Variants in HMGN5 observed in about 807,000 individuals in gnomAD.
The protein encoded by HMGN5 is high mobility group nucleosome-binding domain-containing protein 5.
In HMGN5, 4 loss-of-function variants were observed where a neutral mutation model predicts 9.5. The observed-to-expected ratio is 0.42, with a 90% confidence interval of 0.21 to 0.96. HMGN5 has a LOEUF of 0.96. Among genes scored for constraint, HMGN5 ranks in the 40% least tolerant of loss-of-function variants. HMGN5 has a pLI of 0.30. For missense variants in HMGN5, 192 were observed against 187.5 expected (o/e 1.02, Z -0.14); for synonymous variants, 55 against 57.1 (o/e 0.96, Z 0.16).
At chrX:81,142,417 T>C (rs950097654) in intron 1 of HMGN5, among the ~76,000 whole-genome samples, 2 of 111,812 alleles carry the variant, frequency 1.8e-5, no homozygotes, top group African/African-American at 6.5e-5. Context: ...AGGCATTTAA[T>C]AGTCAAACTC....
At chrX:81,195,015 G>A (rs986541600) in intron 1 of HMGN5, 1 of 111,619 alleles carries the variant, frequency 9.0e-6, no homozygotes, top group East Asian at 2.8e-4. Flanking sequence ...GGTAGGATGT[G>A]GGGGGAAGAT....
chrX:81,191,021 TCC>T (rs908952530), intron 1 of HMGN5, among the ~76,000 whole-genome samples: 1 of 111,797 alleles, frequency 8.9e-6, no homozygotes, highest in African/African-American at 3.2e-5. Flanking sequence ...TCTGTTCTTT[TCC>T]TTCAATATTG....
intron 3 of HMGN5, among the ~76,000 whole-genome samples, chrX:81,119,550 C>T (rs1442770883): frequency 3.6e-5 from 4 of 111,459 alleles, no homozygotes; most frequent in African/African-American, 1.3e-4. Context: ...AGAATATTTC[C>T]GTACCATCAT....
chrX:81,131,381 A>G (rs2147546422), intron 1 of HMGN5, among the ~76,000 whole-genome samples: 1 of 111,450 alleles, frequency 9.0e-6, no homozygotes, highest in East Asian at 2.8e-4. Flanking sequence ...TCTTGACTAC[A>G]GAGAAGTGGA....
intron 1 of HMGN5, among the ~76,000 whole-genome samples, chrX:81,169,835 G>C (rs1478492942): frequency 9.0e-6 from 1 of 110,730 alleles, no homozygotes; most frequent in Non-Finnish European, 1.9e-5. Flanking sequence ...TGGGCTGACT[G>C]CTTGAGTCCA....
chrX:81,127,008 T>C (rs1023309553), intron 1 of HMGN5, among the ~76,000 whole-genome samples: 2 of 111,768 alleles, frequency 1.8e-5, no homozygotes, highest in African/African-American at 6.5e-5. Flanking sequence ...AAAATCTTAA[T>C]ATGATAGGAA....
At chrX:81,192,405 A>C (rs1390905129) in intron 1 of HMGN5, among the ~76,000 whole-genome samples, 1 of 111,789 alleles carries the variant, frequency 8.9e-6, no homozygotes, top group East Asian at 2.8e-4. Flanking sequence ...CCAATGAAAC[A>C]ACCTGGGCCT....
intron 1 of HMGN5, among the ~76,000 whole-genome samples, chrX:81,176,285 A>T (rs1231200154): frequency 8.9e-6 from 1 of 111,982 alleles, no homozygotes; most frequent in Non-Finnish European, 1.9e-5. Context: ...TAGGTCACCA[A>T]CATGAAAGAC....
chrX:81,141,534 G>A (rs780141314), intron 1 of HMGN5, among the ~76,000 whole-genome samples: 90 of 111,256 alleles, frequency 8.1e-4, no homozygotes, highest in African/African-American at 2.8e-3. Flanking sequence ...GAGAAAGTAA[G>A]GGAAGAAAAC....
chrX:81,174,827 AT>A (rs752810964), intron 1 of HMGN5, among the ~76,000 whole-genome samples: 34 of 111,396 alleles, frequency 3.1e-4, no homozygotes, highest in African/African-American at 1.1e-3. Flanking sequence ...TCTGCAATGT[AT>A]TTTTTTCCTA....
At chrX:81,139,516 T>C (rs775432915) in intron 1 of HMGN5, among the ~76,000 whole-genome samples, 1 of 110,623 alleles carries the variant, frequency 9.0e-6, no homozygotes, top group African/African-American at 3.3e-5. Context: ...AAAAAAAACA[T>C]CTTCATAAGA....
chrX:81,126,623 A>C (rs1055964678), intron 1 of HMGN5, among the ~76,000 whole-genome samples: 4 of 111,523 alleles, frequency 3.6e-5, no homozygotes, highest in African/African-American at 1.3e-4. Flanking sequence ...TTATTGGTTA[A>C]ATGTTATTTG....
intron 1 of HMGN5, among the ~76,000 whole-genome samples, chrX:81,166,034 C>T (rs1259313090): frequency 9.0e-6 from 1 of 110,766 alleles, no homozygotes; most frequent in African/African-American, 3.3e-5. Flanking sequence ...GAGATGGGGA[C>T]TGCCTTGTGC....
intron 3 of HMGN5, among the ~76,000 whole-genome samples, chrX:81,119,083 G>T (rs1294053366): frequency 9.0e-6 from 1 of 111,493 alleles, no homozygotes; most frequent in Non-Finnish European, 1.9e-5. Flanking sequence ...TTAAAAGGAA[G>T]AAGTTCTCTC....
chrX:81,198,619 A>G (rs920336370), intron 1 of HMGN5, among the ~76,000 whole-genome samples: 11 of 112,147 alleles, frequency 9.8e-5, no homozygotes, highest in African/African-American at 3.6e-4. Flanking sequence ...AGAACTAATG[A>G]CAAAAACCAC....
At chrX:81,116,551 TC>T (rs2075254297) in intron 5 of HMGN5, among the ~76,000 whole-genome samples, 1 of 112,021 alleles carries the variant, frequency 8.9e-6, no homozygotes, top group Non-Finnish European at 1.9e-5. Flanking sequence ...TGAACAATGT[TC>T]CCTTGATATA....
intron 1 of HMGN5, among the ~76,000 whole-genome samples, chrX:81,154,776 A>T (rs2075378231): frequency 9.0e-6 from 1 of 110,900 alleles, no homozygotes; most frequent in Non-Finnish European, 1.9e-5. Context: ...GGTGCTCAAC[A>T]TCATTGATTA....
At chrX:81,186,976 ATTGT>A (rs1156540491) in intron 1 of HMGN5, among the ~76,000 whole-genome samples, 1 of 111,520 alleles carries the variant, frequency 9.0e-6, no homozygotes. Context: ...TCAGGAGCAT[ATTGT>A]TTAATTTCCA....
At chrX:81,137,587 AT>A (rs2075314916) in intron 1 of HMGN5, among the ~76,000 whole-genome samples, 1 of 111,790 alleles carries the variant, frequency 8.9e-6, no homozygotes, top group Non-Finnish European at 1.9e-5. Context: ...GCATGAAATC[AT>A]TACATTAAAC....
Sources: gnomAD v4.1 joint callset for allele counts (sites outside exome capture counted in the v4.1 genomes callset) on GRCh38, gnomAD v4.1.1 for gene constraint, MANE v1.5 for transcripts, NCBI Gene and HGNC (gene_info 2026-07-23, HGNC 2026-07-21) for gene names.